The following CD86 variants were observed in gnomAD, a reference collection of about 807,000 sequenced individuals.
CD86 encodes the protein CD86 molecule.
CD86 carries 11 observed loss-of-function variants against 32.1 expected under a neutral mutation model. The observed-to-expected ratio is 0.34, with a 90% confidence interval of 0.22 to 0.57. The LOEUF is 0.57. CD86 is among the 20% of genes least tolerant of loss of function. The pLI, the probability that CD86 is intolerant of heterozygous loss-of-function variation, is 0.86. For synonymous variants in CD86, 137 were observed against 135.3 expected, an observed-to-expected ratio of 1.01 and a Z score of -0.09; for missense variants, 359 against 398.4, an observed-to-expected ratio of 0.90 and a Z score of 0.84.
chr3:122,088,476 G>A (rs2072760843), intron 1 of CD86, among the ~76,000 whole-genome samples: 1 of 152,142 alleles, frequency 6.6e-6, no homozygotes, highest in Non-Finnish European at 1.5e-5. Context: ...TTCCATGTAA[G>A]AGCTGAACAG....
intron 4 of CD86, among the ~76,000 whole-genome samples, chr3:122,107,436 A>G (rs894730584): frequency 6.6e-6 from 1 of 152,250 alleles, no homozygotes; most frequent in African/African-American, 2.4e-5. Context: ...GGACAAGTTC[A>G]GTGGAGGAAA....
At chr3:122,104,481 A>G (rs564623881) in intron 3 of CD86, among the ~76,000 whole-genome samples, 2 of 152,292 alleles carry the variant, frequency 1.3e-5, no homozygotes, top group African/African-American at 4.8e-5. Context: ...TCACACAGTA[A>G]AATTATTTTT....
At chr3:122,055,612 T>C (rs887839539) in intron 1 of CD86, 109 bp downstream of exon 1, 30 of 993,500 alleles carry the variant, frequency 3.0e-5, no homozygotes, top group Non-Finnish European at 4.4e-5. Context: ...AGTTCCTAAG[T>C]GGAGAAGCTT....
At chr3:122,093,463 A>G (rs1258003247) in intron 2 of CD86, among the ~76,000 whole-genome samples, 1 of 152,230 alleles carries the variant, frequency 6.6e-6, no homozygotes, top group Admixed American at 6.5e-5. Flanking sequence ...ACTAGATAGC[A>G]TAGCCTGCTC....
chr3:122,084,768 A>G (rs1382956372), intron 1 of CD86, among the ~76,000 whole-genome samples: 1 of 152,166 alleles, frequency 6.6e-6, no homozygotes, highest in Non-Finnish European at 1.5e-5. Flanking sequence ...AAGTCCCAGA[A>G]TATCCCTTGT....
intron 1 of CD86, among the ~76,000 whole-genome samples, chr3:122,065,895 T>C (rs992255251): frequency 2.0e-5 from 3 of 152,070 alleles, no homozygotes; most frequent in Non-Finnish European, 2.9e-5. Flanking sequence ...AATACAGACA[T>C]GTAAATTTGA....
chr3:122,069,771 C>T (rs1303483736), intron 1 of CD86, among the ~76,000 whole-genome samples: 8 of 152,128 alleles, frequency 5.3e-5, no homozygotes, highest in African/African-American at 1.9e-4. Flanking sequence ...AACACCGCAA[C>T]TCCACTCTGC....
intron 1 of CD86, chr3:122,077,887 T>C: frequency 2.0e-6 from 2 of 985,482 alleles, no homozygotes; most frequent in Non-Finnish European, 2.4e-6. Flanking sequence ...GTCCTGGCAT[T>C]ATTTCTCTCT....
rs1202507530 is a variant in CD86, at chr3:122,055,379, G to C, written c.-111G>C. Reference sequence around the variant, plus strand: ...AGGTATACAGTCATTGCCGAGGAAGGCTTGCACAGGGTGAAAGCTTTGCTT... The same window carrying C: ...AGGTATACAGTCATTGCCGAGGAAGCCTTGCACAGGGTGAAAGCTTTGCTT... On this transcript the variant is annotated 5_prime_UTR_variant, in exon 1 of 7. Coordinates refer to ENST00000330540, the MANE Select transcript of CD86 (RefSeq NM_175862.5). 2.9e-6 allele frequency: 3 copies of C among 1,051,690 alleles called. No homozygotes were observed. The highest frequency in any genetic ancestry group is 3.0e-6 in the Non-Finnish European group (2 of 672,610). 65.1% of individuals were successfully genotyped at this position (1,051,690 alleles called of 1,614,324 possible).
intron 1 of CD86, among the ~76,000 whole-genome samples, chr3:122,055,845 C>G (rs1346618874): frequency 6.6e-6 from 1 of 151,872 alleles, no homozygotes; most frequent in Non-Finnish European, 1.5e-5. Context: ...TGTTTTTTGT[C>G]TACCAGGGTC....
intron 1 of CD86, chr3:122,086,568 G>A (rs1284960385): frequency 2.1e-6 from 1 of 478,378 alleles, no homozygotes; most frequent in East Asian, 6.0e-5. Flanking sequence ...GTCCACAGTA[G>A]TGTGCACCTG....
chr3:122,056,474 A>G (rs900216930), intron 1 of CD86, among the ~76,000 whole-genome samples: 16 of 152,100 alleles, frequency 1.1e-4, no homozygotes, highest in African/African-American at 2.9e-4. Flanking sequence ...AGCTGGGACT[A>G]CAGGCGCCCA....
At chr3:122,062,714 G>A (rs891545473) in intron 1 of CD86, among the ~76,000 whole-genome samples, 1 of 152,128 alleles carries the variant, frequency 6.6e-6, no homozygotes, top group Non-Finnish European at 1.5e-5. Flanking sequence ...ACTTTGGGAA[G>A]CCTATTAGCT....
chr3:122,108,952 A>G (rs929420201), intron 4 of CD86, among the ~76,000 whole-genome samples: 9 of 152,150 alleles, frequency 5.9e-5, no homozygotes, highest in Non-Finnish European at 1.0e-4. Flanking sequence ...CTCAGCACAG[A>G]CACCTCACCC....
At chr3:122,075,123 C>A (rs1037194819) in intron 1 of CD86, among the ~76,000 whole-genome samples, 5 of 151,588 alleles carry the variant, frequency 3.3e-5, no homozygotes, top group Admixed American at 1.3e-4. Context: ...TGGTCAGCAA[C>A]CCCCTGCAAC....
intron 1 of CD86, among the ~76,000 whole-genome samples, chr3:122,071,356 A>G (rs1349565442): frequency 6.6e-6 from 1 of 152,074 alleles, no homozygotes; most frequent in Non-Finnish European, 1.5e-5. Context: ...CTTTTCCAGA[A>G]TGTTCTATCT....
chr3:122,103,883 C>T (rs2073050434), intron 3 of CD86, 36 bp downstream of exon 3: 1 of 1,527,980 alleles, frequency 6.5e-7, no homozygotes, highest in Non-Finnish European at 9.0e-7. Flanking sequence ...GATTCTTAGC[C>T]TTCTCAGATG....
In CD86 at chr3:122,118,067, G is replaced by T; in HGVS notation, c.867G>T (p.Arg289Ser). Residue 289 changes from arginine to serine, a missense_variant, in exon 6 of 7, where the codon AGG (arginine) becomes AGT (serine). Transcript: ENST00000330540. ...SYKCGTNTME[R>S]EESEQTKKRE... ...TTTCAGGAACCAACACAATGGAGAG[G>T]GAAGAGAGTGAACAGACCAAGAAAA... 6.2e-7 allele frequency: 1 copy of T among 1,613,420 alleles called. No homozygotes were observed. The highest frequency in any genetic ancestry group is 8.5e-7 in the Non-Finnish European group (1 of 1,179,534).
At chr3:122,083,738 C>G (rs762546932) in intron 1 of CD86, among the ~76,000 whole-genome samples, 3 of 152,060 alleles carry the variant, frequency 2.0e-5, no homozygotes, top group Non-Finnish European at 4.4e-5. Context: ...TGAAATGCAG[C>G]CAGTCCTAAT....
Sources: gnomAD v4.1 joint callset for allele counts (sites outside exome capture counted in the v4.1 genomes callset) on GRCh38, gnomAD v4.1.1 for gene constraint, MANE v1.5 for transcripts, NCBI Gene and HGNC (gene_info 2026-07-23, HGNC 2026-07-21) for gene names.